CSF2RB: variants seen among roughly 807,000 people sequenced by gnomAD.
CSF2RB encodes the protein colony stimulating factor 2 receptor subunit beta.
A neutral mutation model predicts 67.2 loss-of-function variants in CSF2RB; 22 were observed. That is an observed-to-expected ratio of 0.33 (90% CI 0.23 to 0.47). CSF2RB has a LOEUF of 0.47. Among genes scored for constraint, CSF2RB ranks in the 20% least tolerant of loss-of-function variants. The probability of loss-of-function intolerance (pLI) is 1.00; values close to 1 mark genes in which losing one functional copy is unlikely to be tolerated. For missense variants in CSF2RB, 1,113 were observed against 1,174.5 expected (o/e 0.95, Z 0.76); for synonymous variants, 507 against 482.9 (o/e 1.05, Z -0.65).
In CSF2RB at chr22:36,937,790, G is replaced by A. The variant is rs1165015711; in HGVS notation, c.1982G>A (p.Gly661Glu). Residue 661 changes from glycine to glutamate, a missense_variant, in exon 14 of 14, where the codon GGG becomes GAG. By Grantham distance (98) the Gly-to-Glu change is moderately conservative. Coordinates refer to ENST00000403662, the MANE Select transcript of CSF2RB (RefSeq NM_000395.3). This position sits in a 1 kb window ranked among gnomAD's most constrained non-coding sequence, Gnocchi z 4.6. ...AVEVERRPSQ[G>E]AAGSPSLESG... ...GAAGTGGAGAGAAGGCCGAGCCAGG[G>A]GGCTGCAGGGAGTCCCTCCCTGGAG... 1.3e-6 allele frequency: 2 copies of A among 1,589,040 alleles called. No homozygotes were observed. The highest frequency in any genetic ancestry group is 1.8e-5 in the Admixed American group (1 of 54,342).
chr22:36,938,683 G>A lies in CSF2RB; in HGVS notation c.*181G>A, dbSNP rs535426760. The A allele has an allele frequency of 7.4e-5, 46 of 624,528 alleles. No homozygotes were observed. Among genetic ancestry groups the A allele is most frequent in the African/African-American group, 2.2e-4 (12 of 54,232 alleles). The allele number at this position is 624,528 out of a possible 1,614,324, so 38.7% of individuals were successfully genotyped here. On this transcript the variant is annotated 3_prime_UTR_variant, in exon 14 of 14. Transcript: ENST00000403662. ...TTCAGCAAATCACTTCTCTCCCTGCGCTCACACAGACACACACACACACAC... is the reference window on the plus strand; with the variant it reads ...TTCAGCAAATCACTTCTCTCCCTGCACTCACACAGACACACACACACACAC...
chr22:36,935,676 C>T lies in CSF2RB; in HGVS notation c.1453C>T (p.His485Tyr), dbSNP rs751920604. 6.2e-7 allele frequency: 1 copy of T among 1,614,144 alleles called. No homozygotes were observed. The part of the protein sequence containing the change: ...EEKIPNPSKS[H>Y]LFQNGSAELW... ...GAAGATCCCCAACCCCAGCAAGAGC[C>T]ACCTGTTCCAGGTAGGAACTGGCTG... The change falls in exon 12 of 14, where the codon CAC becomes TAC. Residue 485 changes from histidine to tyrosine, a missense_variant. Transcript: ENST00000403662.
At chr22:36,923,780 C>A (rs1940940065) in intron 3 of CSF2RB, 1 of 1,292,394 alleles carries the variant, frequency 7.7e-7, no homozygotes, top group Non-Finnish European at 1.0e-6. Flanking sequence ...ATGGCGCTAG[C>A]CTGGGAGTTC....
rs146859739 is a variant in CSF2RB at position 36,937,469 on chromosome 22, C to G, written c.1661C>G (p.Thr554Arg). 1.2e-6 allele frequency: 2 copies of G among 1,613,906 alleles called. No individual in the cohort carries two copies. The highest frequency in any genetic ancestry group is 1.3e-5 in the African/African-American group (1 of 74,914). ...HVCDPPSGPD[T>R]TPAASDLPTE... is the part of the protein sequence containing the mutation. The stretch of plus-strand genomic sequence containing the variant: ...TGTGATCCACCATCTGGGCCTGACA[C>G]GACTCCAGCTGCCTCAGATCTACCC... The change falls in exon 14 of 14, where the codon ACG (threonine) becomes AGG (arginine). Residue 554 changes from threonine to arginine, a missense_variant. Thr to Arg is a moderately conservative substitution (Grantham distance 71, BLOSUM62 -1). Coordinates refer to ENST00000403662, the MANE Select transcript of CSF2RB (RefSeq NM_000395.3). This position sits in a 1 kb window ranked among gnomAD's most constrained non-coding sequence, Gnocchi z 4.6.
rs768004157 is a variant in CSF2RB, at chr22:36,937,477, G to A, written c.1669G>A (p.Ala557Thr). Residue 557 changes from alanine (A) to threonine (T), a missense_variant, in exon 14 of 14, where the codon GCT becomes ACT. Transcript: ENST00000403662. The surrounding 1 kb of genome is among the most constrained non-coding windows in gnomAD (Gnocchi z 4.6). ...ACCATCTGGGCCTGACACGACTCCA[G>A]CTGCCTCAGATCTACCCACAGAGCA... ...DPPSGPDTTPAASDLPTEQPP... is the reference protein window; with the variant it reads ...DPPSGPDTTPTASDLPTEQPP... 1 of 1,613,858 alleles carries A rather than the reference G, an allele frequency of 6.2e-7. No individual in the cohort carries two copies. Among genetic ancestry groups the A allele is most frequent in the South Asian group, 1.1e-5 (1 of 91,086 alleles).
At chr22:36,925,930 T>G in intron 3 of CSF2RB, 57 bp from the exon 4 acceptor site, 1 of 1,591,708 alleles carries the variant, frequency 6.3e-7, no homozygotes, top group Non-Finnish European at 8.6e-7. Flanking sequence ...TCGAGGAACC[T>G]TTCGTGAGTC....
chr22:36,918,465 C>G (rs4821566), intron 1 of CSF2RB, among the ~76,000 whole-genome samples: 67,131 of 152,014 alleles, frequency 0.44, 16,805 homozygotes, highest in Admixed American at 0.58. Context: ...TCTTGCAAGA[C>G]GAAAAGTTTA....
chr22:36,940,120 T>C lies in CSF2RB; in HGVS notation c.*1618T>C, dbSNP rs934074195. On this transcript the variant is annotated 3_prime_UTR_variant, in exon 14 of 14. Transcript: ENST00000403662. Reference sequence around the variant, plus strand: ...CTTCCTATTTTGTTACCTTGCTTTCTCTATGGCATCCACCATTTTGATTGT... The same window carrying C: ...CTTCCTATTTTGTTACCTTGCTTTCCCTATGGCATCCACCATTTTGATTGT... 1.3e-5 allele frequency: 2 copies of C among 152,246 alleles called. No homozygotes were observed. The highest frequency in any genetic ancestry group is 2.9e-5 in the Non-Finnish European group (2 of 68,046). 9.4% of individuals were successfully genotyped at this position (152,246 alleles called of 1,614,324 possible).
chr22:36,922,675 C>T, intron 2 of CSF2RB: 3 of 363,044 alleles, frequency 8.3e-6, no homozygotes, highest in Non-Finnish European at 1.6e-5. Context: ...CTGCTTCAGC[C>T]GCTAGCACCC....
At position 36,937,154 on chromosome 22, in the gene CSF2RB, T is replaced by C. The variant is rs1941283752; in HGVS notation, c.1569-223T>C. Among the ~76,000 whole-genome samples, 1 of 152,130 alleles carries C rather than the reference T, an allele frequency of 6.6e-6. No individual in the cohort carries two copies. Among genetic ancestry groups the C allele is most frequent in the African/African-American group, 2.4e-5 (1 of 41,402 alleles). On this transcript the variant is annotated intron_variant, in intron 13 of 13. Coordinates refer to ENST00000403662, the MANE Select transcript of CSF2RB (RefSeq NM_000395.3). This position sits in a 1 kb window ranked among gnomAD's most constrained non-coding sequence, Gnocchi z 4.6. ...GCAGAGGAAGACCTTGAGCTCAGCA[T>C]GGAGGATGGAGCTCCTGAGCCACGG...
At position 36,937,965 on chromosome 22, in the gene CSF2RB, C is replaced by T. The variant is rs772350944; in HGVS notation, c.2157C>T (p.Phe719=). ...ATGTCTCCTCTGCAGACCTGGTATT[C>T]ACCCCAAACTCAGGGGCCTCGTCTG... The part of the protein sequence containing the change: ...SGYVSSADLV[F]TPNSGASSVS... The change falls in exon 14 of 14, where the codon TTC becomes TTT. Residue 719 remains phenylalanine, a synonymous_variant. Transcript: ENST00000403662. This position sits in a 1 kb window ranked among gnomAD's most constrained non-coding sequence, Gnocchi z 4.6. The T allele has an allele frequency of 1.3e-4, 206 of 1,614,036 alleles. No individual in the cohort carries two copies. Among genetic ancestry groups the T allele is most frequent in the Non-Finnish European group, 1.7e-4 (195 of 1,180,020 alleles).
chr22:36,928,115 T>C (rs979615604), intron 4 of CSF2RB, among the ~76,000 whole-genome samples: 9 of 152,140 alleles, frequency 5.9e-5, no homozygotes, highest in African/African-American at 2.2e-4. Context: ...TAATGCAGAT[T>C]AGCAATGAAT....
Position 36,929,439 on chromosome 22 carries a change from C to T in CSF2RB, c.429C>T (p.Thr143=), listed in dbSNP as rs770782977. 112 of 1,614,072 alleles carry T rather than the reference C, an allele frequency of 6.9e-5. 1 individual carries two copies. The South Asian group carries it at 7.9e-4, about 11-fold the overall frequency. ...AGCCCAGGGACCTGCAGATCAGCACCGACCAGGACCACTTCCTGCTGACCT... is the reference window on the plus strand; with the variant it reads ...AGCCCAGGGACCTGCAGATCAGCACTGACCAGGACCACTTCCTGCTGACCT... The part of the protein sequence containing the change: ...PPEPRDLQIS[T]DQDHFLLTWS... The change falls in exon 5 of 14, where the codon ACC becomes ACT. Residue 143 remains threonine, a synonymous_variant. Transcript: ENST00000403662.
chr22:36,924,326 G>T (rs925950780), intron 3 of CSF2RB, among the ~76,000 whole-genome samples: 1 of 151,242 alleles, frequency 6.6e-6, no homozygotes, highest in Non-Finnish European at 1.5e-5. Flanking sequence ...TCCTGTCTGA[G>T]GCCTGAGACA....
intron 8 of CSF2RB, among the ~76,000 whole-genome samples, 164 bp downstream of exon 8, chr22:36,930,994 C>T (rs1006473851): frequency 4.6e-5 from 7 of 152,168 alleles, no homozygotes; most frequent in South Asian, 2.1e-4. Flanking sequence ...AATGAAACCA[C>T]GACGGCAGTG....
intron 3 of CSF2RB, chr22:36,923,923 G>A: frequency 6.0e-6 from 3 of 503,540 alleles, no homozygotes; most frequent in South Asian, 5.5e-5. Context: ...CCGTATGTGG[G>A]CTGCCACCTC....
intron 1 of CSF2RB, among the ~76,000 whole-genome samples, chr22:36,915,006 C>T (rs1023029563): frequency 2.0e-5 from 3 of 152,204 alleles, no homozygotes; most frequent in Non-Finnish European, 4.4e-5. Context: ...TTATTCTTTT[C>T]ACCACATGTA....
At chr22:36,928,456 C>T (rs906860219) in intron 4 of CSF2RB, among the ~76,000 whole-genome samples, 9 of 152,256 alleles carry the variant, frequency 5.9e-5, no homozygotes, top group Middle Eastern at 3.4e-3. Context: ...GTGTGTCTGC[C>T]GTTCTGGGTT....
rs149165135 is a variant in CSF2RB, at chr22:36,938,286, C to T, written c.2478C>T (p.Pro826=). The T allele has an allele frequency of 7.4e-5, 119 of 1,614,108 alleles. No homozygotes were observed. Among genetic ancestry groups the T allele is most frequent in the African/African-American group, 2.5e-4 (19 of 74,946 alleles). The part of the protein sequence containing the change: ...LQQVGDYCFL[P]GLGPGPLSLR... ...AAGTGGGCGACTATTGCTTCCTCCC[C>T]GGCCTGGGGCCCGGCCCTCTCTCGC... is the stretch of plus-strand genomic sequence containing the variant. The change falls in exon 14 of 14, where the codon CCC becomes CCT. Residue 826 remains proline, a synonymous_variant. Coordinates refer to ENST00000403662, the MANE Select transcript of CSF2RB (RefSeq NM_000395.3).
Sources: allele counts gnomAD v4.1 joint callset (sites outside exome capture counted in the v4.1 genomes callset), GRCh38; gene constraint gnomAD v4.1.1; non-coding constraint Gnocchi (gnomAD v3.1); transcripts MANE v1.5; gene names NCBI Gene and HGNC (gene_info 2026-07-23, HGNC 2026-07-21).